The following PDZRN3 variants were observed in gnomAD, a reference collection of about 807,000 sequenced individuals.
The protein encoded by PDZRN3 is E3 ubiquitin-protein ligase PDZRN3.
PDZRN3 carries 38 observed loss-of-function variants against 85.7 expected under a neutral mutation model. The observed-to-expected ratio is 0.44, with a 90% CI of 0.34 to 0.58. PDZRN3 has a LOEUF of 0.58. Ranked by LOEUF, PDZRN3 falls within the 20% of genes least tolerant of loss-of-function variation. PDZRN3 has a pLI of 0.01. For missense variants in PDZRN3, 1,629 were observed against 1,506.4 expected (o/e 1.08, Z -1.35); for synonymous variants, 759 against 638.0 (o/e 1.19, Z -2.86).
chr3:73,437,574 G>T (rs1702554498), intron 3 of PDZRN3, among the ~76,000 whole-genome samples: 1 of 152,170 alleles, frequency 6.6e-6, no homozygotes, highest in Admixed American at 6.5e-5. Flanking sequence ...ACTGCAGGAG[G>T]CGGAGAGGAA....
At chr3:73,447,848 CCTT>C (rs1413261427) in intron 3 of PDZRN3, among the ~76,000 whole-genome samples, 9 of 152,182 alleles carry the variant, frequency 5.9e-5, no homozygotes, top group Non-Finnish European at 1.3e-4. Flanking sequence ...ACTCTACACT[CCTT>C]CTTAACTCTT....
chr3:73,594,250 T>C (rs4234180), intron 3 of PDZRN3, among the ~76,000 whole-genome samples: 105,177 of 152,012 alleles, frequency 0.69, 37,045 homozygotes, highest in African/African-American at 0.82. Context: ...TAATTGGTCA[T>C]CTTGTTAATT....
At chr3:73,403,371 C>G (rs1000869358) in intron 4 of PDZRN3, among the ~76,000 whole-genome samples, 1 of 152,170 alleles carries the variant, frequency 6.6e-6, no homozygotes, top group African/African-American at 2.4e-5. Context: ...TAACGGTGAT[C>G]GCTGGTACCA....
chr3:73,557,398 G>A (rs1309863235), intron 3 of PDZRN3, among the ~76,000 whole-genome samples: 1 of 152,156 alleles, frequency 6.6e-6, no homozygotes. Flanking sequence ...CTGATCACTA[G>A]TTTTAAGTTG....
At chr3:73,505,482 T>C (rs1407967255) in intron 3 of PDZRN3, among the ~76,000 whole-genome samples, 1 of 152,162 alleles carries the variant, frequency 6.6e-6, no homozygotes, top group African/African-American at 2.4e-5. Flanking sequence ...CATCAATTGG[T>C]TATTCAAATT....
At chr3:73,540,923 A>T (rs1334848989) in intron 3 of PDZRN3, among the ~76,000 whole-genome samples, 1 of 152,232 alleles carries the variant, frequency 6.6e-6, no homozygotes, top group Non-Finnish European at 1.5e-5. Context: ...GTAACACATT[A>T]CATTACCCCT....
At position 73,383,834 on chromosome 3, in the gene PDZRN3, G is replaced by C. The variant is rs749128365; in HGVS notation, c.2732C>G (p.Ser911Cys). ...SLVSMCKDLS[S>C]PTPSEPRMEW... ...CATGCGCGGCTCCGACGGGGTGGGAGAGCTCAGGTCCTTGCACATGCTCAC... is the reference window on the plus strand; with the variant it reads ...CATGCGCGGCTCCGACGGGGTGGGACAGCTCAGGTCCTTGCACATGCTCAC... Residue 911 changes from serine (S) to cysteine (C), a missense_variant, in exon 10 of 10, where the codon TCT (serine) becomes TGT (cysteine). Ser to Cys is a moderately radical substitution (Grantham distance 112). Transcript: ENST00000263666. 1.9e-6 allele frequency: 3 copies of C among 1,613,594 alleles called. No individual in the cohort carries two copies. Among genetic ancestry groups the C allele is most frequent in the Non-Finnish European group, 2.5e-6 (3 of 1,179,806 alleles).
At chr3:73,528,559 T>C (rs1704578050) in intron 3 of PDZRN3, among the ~76,000 whole-genome samples, 1 of 152,090 alleles carries the variant, frequency 6.6e-6, no homozygotes, top group Non-Finnish European at 1.5e-5. Context: ...GATTACGAAG[T>C]AATAAGGATG....
At chr3:73,426,179 A>T (rs956091027) in intron 3 of PDZRN3, among the ~76,000 whole-genome samples, 15 of 152,214 alleles carry the variant, frequency 9.9e-5, no homozygotes, top group African/African-American at 3.6e-4. Flanking sequence ...ACACACATGC[A>T]TATGTATACA....
chr3:73,584,176 C>T (rs6771982), intron 3 of PDZRN3, among the ~76,000 whole-genome samples: 19,166 of 151,470 alleles, frequency 0.13, 1,279 homozygotes, highest in Admixed American at 0.17. Flanking sequence ...TTATAACTTG[C>T]GACTTTTACT....
chr3:73,541,435 AT>A (rs1449773699), intron 3 of PDZRN3, among the ~76,000 whole-genome samples: 1 of 152,230 alleles, frequency 6.6e-6, no homozygotes, highest in African/African-American at 2.4e-5. Flanking sequence ...CCTATGAGTT[AT>A]GTACCATAAT....
intron 3 of PDZRN3, among the ~76,000 whole-genome samples, chr3:73,578,220 A>C (rs986336830): frequency 1.4e-5 from 2 of 141,092 alleles, no homozygotes; most frequent in African/African-American, 5.4e-5. Context: ...CTGGAGTGCG[A>C]GTGCAGTGGC....
In PDZRN3 at chr3:73,383,283, A is replaced by T; in HGVS notation, c.*82T>A. On this transcript the variant is annotated 3_prime_UTR_variant, in exon 10 of 10. Transcript: ENST00000263666. ...GAAGACCGTACTTATCTTATATACA[A>T]AAACTTGCCGCATTGAACGAGGCAG... 1 of 1,349,592 alleles carries T rather than the reference A, an allele frequency of 7.4e-7. No individual in the cohort carries two copies. Among genetic ancestry groups the T allele is most frequent in the South Asian group, 1.4e-5 (1 of 70,986 alleles). 83.6% of individuals were successfully genotyped at this position (1,349,592 alleles called of 1,614,324 possible). A position where few individuals can be genotyped will look rare whatever the true frequency, so the allele number is the denominator to read the frequency against.
intron 3 of PDZRN3, among the ~76,000 whole-genome samples, chr3:73,437,246 GT>G (rs1373680000): frequency 1.3e-5 from 2 of 152,006 alleles, no homozygotes; most frequent in African/African-American, 4.8e-5. Flanking sequence ...CAAAACAGAA[GT>G]TTTTGAGAAG....
At chr3:73,557,953 C>T (rs1701735711) in intron 3 of PDZRN3, among the ~76,000 whole-genome samples, 1 of 151,988 alleles carries the variant, frequency 6.6e-6, no homozygotes, top group Admixed American at 6.5e-5. Context: ...AAAAAACACA[C>T]CAAAATCTTA....
In PDZRN3 at chr3:73,624,338, G is replaced by A. The variant is rs1274179357; in HGVS notation, c.488C>T (p.Ala163Val). 3 of 1,308,112 alleles carry A rather than the reference G, an allele frequency of 2.3e-6. No homozygotes were observed. The highest frequency in any genetic ancestry group is 2.9e-6 in the Non-Finnish European group (3 of 1,036,046). 81.0% of individuals were successfully genotyped at this position (1,308,112 alleles called of 1,614,324 possible). Residue 163 changes from alanine (A) to valine (V), a missense_variant, in exon 1 of 10, where the codon GCG (alanine) becomes GTG (valine). Ala to Val is a moderately conservative substitution (Grantham distance 64, BLOSUM62 0). Transcript: ENST00000263666. ...GEQRAGGHCCARALRAHNGAL... is the reference protein window; with the variant it reads ...GEQRAGGHCCVRALRAHNGAL... ...GCCGTTGTGCGCCCGCAGCGCTCGCGCGCAGCAGTGGCCGCCCGCGCGCTG... is the reference window on the plus strand; with the variant it reads ...GCCGTTGTGCGCCCGCAGCGCTCGCACGCAGCAGTGGCCGCCCGCGCGCTG...
intron 3 of PDZRN3, among the ~76,000 whole-genome samples, chr3:73,456,949 A>C (rs528960324): frequency 6.6e-5 from 10 of 151,742 alleles, no homozygotes; most frequent in Admixed American, 3.9e-4. Context: ...GAAAAAAAAA[A>C]CACCTGGTAC....
chr3:73,622,314 G>C (rs1450126939), intron 1 of PDZRN3, among the ~76,000 whole-genome samples: 3 of 152,216 alleles, frequency 2.0e-5, no homozygotes, highest in East Asian at 1.9e-4. Flanking sequence ...TTGCAGGCCT[G>C]GTGTGCACGT....
At position 73,449,495 on chromosome 3, in the gene PDZRN3, G is replaced by A. The variant is rs190822023; in HGVS notation, c.919-45100C>T. 7.2e-5 allele frequency among the ~76,000 whole-genome samples: 11 copies of A among 152,212 alleles called. No homozygotes were observed. The East Asian group carries it at 1.7e-3, about 24-fold the overall frequency. ...AATCCACAGTGCGAGCAAATCCTCC[G>A]TGGATGCATATTGATTTCTGAATCA... On this transcript the variant is annotated intron_variant, in intron 3 of 9. Transcript: ENST00000263666.
Sources: allele counts gnomAD v4.1 joint callset (sites outside exome capture counted in the v4.1 genomes callset), GRCh38; gene constraint gnomAD v4.1.1; transcripts MANE v1.5; gene names NCBI Gene and HGNC (gene_info 2026-07-23, HGNC 2026-07-21).